The following ZMIZ1 variants were observed in gnomAD, a reference collection of about 807,000 sequenced individuals.
The protein encoded by ZMIZ1 is zinc finger MIZ-type containing 1.
Under a neutral mutation model 113.9 loss-of-function variants are expected in ZMIZ1, and 17 were observed. The ratio of observed to expected loss-of-function variants is 0.15; its 90% CI spans 0.10 to 0.22. The LOEUF is 0.22. Ranked by LOEUF, ZMIZ1 falls within the 10% of genes least tolerant of loss-of-function variation. The probability of loss-of-function intolerance (pLI) is 1.00; values close to 1 mark genes in which losing one functional copy is unlikely to be tolerated. For synonymous variants in ZMIZ1, 607 were observed against 603.1 expected, an observed-to-expected ratio of 1.01 and a Z score of -0.09; for missense variants, 1,059 against 1,477.8, an observed-to-expected ratio of 0.72 and a Z score of 4.65.
intron 7 of ZMIZ1, 107 bp downstream of exon 7, chr10:79,216,381 T>G: frequency 1.0e-6 from 1 of 992,840 alleles, no homozygotes. Context: ...TCCATTTGTC[T>G]AGGTGTAGTG....
chr10:79,120,635 C>T (rs1844249950), intron 2 of ZMIZ1, among the ~76,000 whole-genome samples: 2 of 152,202 alleles, frequency 1.3e-5, no homozygotes, highest in South Asian at 2.1e-4. Context: ...TGTCCGCCTC[C>T]TATACGGTGG....
chr10:79,254,991 C>T (rs1051599480), intron 7 of ZMIZ1, among the ~76,000 whole-genome samples: 6 of 152,242 alleles, frequency 3.9e-5, no homozygotes, highest in African/African-American at 7.2e-5. Flanking sequence ...TGCCTACTCG[C>T]ACCCCGCAGG....
chr10:79,178,603 T>G (rs1589383271), intron 4 of ZMIZ1, among the ~76,000 whole-genome samples: 2 of 152,252 alleles, frequency 1.3e-5, no homozygotes, highest in South Asian at 4.1e-4. Flanking sequence ...GAAGACAGAT[T>G]AAGGCTATCT....
chr10:79,161,715 C>T (rs1344655888), intron 3 of ZMIZ1, among the ~76,000 whole-genome samples: 2 of 152,214 alleles, frequency 1.3e-5, no homozygotes, highest in Admixed American at 1.3e-4. Context: ...CATCAGCATG[C>T]TTGCTGAATG....
intron 3 of ZMIZ1, among the ~76,000 whole-genome samples, chr10:79,141,554 C>T (rs1020923313): frequency 1.3e-5 from 2 of 152,216 alleles, no homozygotes; most frequent in African/African-American, 2.4e-5. Flanking sequence ...ACTACAGGCA[C>T]ACACCATCAT....
chr10:79,082,228 T>G (rs1304627470), intron 1 of ZMIZ1, among the ~76,000 whole-genome samples: 1 of 152,226 alleles, frequency 6.6e-6, no homozygotes, highest in Non-Finnish European at 1.5e-5. Context: ...ACTCGGTGCC[T>G]ATGGTCTTGG....
Position 79,316,489 on chromosome 10 carries a change from A to T in ZMIZ1, c.*3740A>T, listed in dbSNP as rs1474638715. 3 of 152,706 alleles carry T rather than the reference A, an allele frequency of 2.0e-5. No individual in the cohort carries two copies. The highest frequency in any genetic ancestry group is 7.2e-5 in the African/African-American group (3 of 41,434). 9.5% of individuals were successfully genotyped at this position (152,706 alleles called of 1,614,324 possible). The stretch of plus-strand genomic sequence containing the variant: ...TGAGGTATCTCATTTGCCCATGTTA[A>T]TTTTTTTCTAAATAAATTGACAAAA... On this transcript the variant is annotated 3_prime_UTR_variant, in exon 25 of 25. Transcript: ENST00000334512.
At chr10:79,220,890 A>G (rs1848938113) in intron 7 of ZMIZ1, among the ~76,000 whole-genome samples, 1 of 151,714 alleles carries the variant, frequency 6.6e-6, no homozygotes. Flanking sequence ...GTATCTGAGC[A>G]TGCTGTGTGT....
chr10:79,088,248 T>C (rs1040782260), intron 1 of ZMIZ1, among the ~76,000 whole-genome samples: 3 of 152,232 alleles, frequency 2.0e-5, no homozygotes, highest in Non-Finnish European at 2.9e-5. Flanking sequence ...TGTGCCTGCA[T>C]TGCCGCTGCC....
chr10:79,152,175 A>G (rs528058807), intron 3 of ZMIZ1, among the ~76,000 whole-genome samples: 9 of 152,216 alleles, frequency 5.9e-5, no homozygotes, highest in Non-Finnish European at 1.3e-4. Context: ...GATTTCAGCC[A>G]TGGCCCCAGA....
intron 7 of ZMIZ1, among the ~76,000 whole-genome samples, chr10:79,275,218 C>T (rs1243911895): frequency 2.0e-5 from 3 of 152,244 alleles, no homozygotes; most frequent in Non-Finnish European, 4.4e-5. Context: ...TGGACACCCA[C>T]ATAGGGGTGT....
At chr10:79,179,851 G>T (rs2132563365) in intron 4 of ZMIZ1, among the ~76,000 whole-genome samples, 1 of 152,314 alleles carries the variant, frequency 6.6e-6, no homozygotes, top group East Asian at 1.9e-4. Flanking sequence ...GGCAGGTGGG[G>T]ACCAGGCAGT....
intron 7 of ZMIZ1, among the ~76,000 whole-genome samples, chr10:79,276,311 G>A (rs1288275564): frequency 6.6e-6 from 1 of 152,214 alleles, no homozygotes; most frequent in African/African-American, 2.4e-5. Context: ...GCTGAGACAC[G>A]ATGGACAGCC....
In ZMIZ1 at chr10:79,296,368, G is replaced by A; in HGVS notation, c.1231-103G>A. ...GTTTTGTGGGTGGGAAACAGCAGGA[G>A]CAAATGAGGAGAGGCGGGCCCCATC... On this transcript the variant is annotated intron_variant, in intron 12 of 24. Transcript: ENST00000334512. The surrounding 1 kb of genome is among the most constrained non-coding windows in gnomAD (Gnocchi z 4.1). The A allele has an allele frequency of 6.3e-6, 8 of 1,275,280 alleles. No homozygotes were observed. Among genetic ancestry groups the A allele is most frequent in the African/African-American group, 1.5e-5 (1 of 68,032 alleles). 79.0% of individuals were successfully genotyped at this position (1,275,280 alleles called of 1,614,324 possible).
At chr10:79,105,345 G>A (rs1843517383) in intron 1 of ZMIZ1, among the ~76,000 whole-genome samples, 1 of 152,236 alleles carries the variant, frequency 6.6e-6, no homozygotes. Flanking sequence ...AGCCGGGCTT[G>A]GCCACTGACT....
At chr10:79,253,335 G>T (rs1401722312) in intron 7 of ZMIZ1, among the ~76,000 whole-genome samples, 1 of 152,172 alleles carries the variant, frequency 6.6e-6, no homozygotes, top group Non-Finnish European at 1.5e-5. Context: ...AGTTTGTGCA[G>T]GCTTACAAAC....
At chr10:79,105,158 C>T (rs1466762519) in intron 1 of ZMIZ1, among the ~76,000 whole-genome samples, 5 of 152,152 alleles carry the variant, frequency 3.3e-5, no homozygotes, top group Admixed American at 6.6e-5. Context: ...AACTGATTCC[C>T]GAAAATTTAG....
At chr10:79,217,471 T>C (rs570390565) in intron 7 of ZMIZ1, among the ~76,000 whole-genome samples, 3 of 152,262 alleles carry the variant, frequency 2.0e-5, no homozygotes, top group Admixed American at 1.3e-4. Context: ...GCACCGTGTC[T>C]GGATATTGTT....
At chr10:79,153,755 G>C (rs577128623) in intron 3 of ZMIZ1, among the ~76,000 whole-genome samples, 1 of 152,246 alleles carries the variant, frequency 6.6e-6, no homozygotes, top group Admixed American at 6.5e-5. Flanking sequence ...CTTGTGAGCC[G>C]GCCAGGATTT....
Sources: allele counts gnomAD v4.1 joint callset (sites outside exome capture counted in the v4.1 genomes callset), GRCh38; gene constraint gnomAD v4.1.1; non-coding constraint Gnocchi (gnomAD v3.1); transcripts MANE v1.5; gene names NCBI Gene and HGNC (gene_info 2026-07-23, HGNC 2026-07-21).